The following NCOR2 variants were observed in gnomAD, a reference collection of about 807,000 sequenced individuals.
NCOR2 encodes the protein nuclear receptor corepressor 2, also known as CTG repeat protein 26.
Under a neutral mutation model 262.9 loss-of-function variants are expected in NCOR2, and 81 were observed. The ratio of observed to expected loss-of-function variants is 0.31; its 90% CI spans 0.26 to 0.37. NCOR2 has a LOEUF of 0.37. Among genes scored for constraint, NCOR2 ranks in the 10% least tolerant of loss-of-function variants. The pLI is 1.00. For missense variants in NCOR2, 3,385 were observed against 3,621.4 expected (o/e 0.93, Z 1.68); for synonymous variants, 1,659 against 1,559.3 (o/e 1.06, Z -1.51).
At chr12:124,445,622 A>T (rs1197201327) in intron 7 of NCOR2, among the ~76,000 whole-genome samples, 3 of 152,000 alleles carry the variant, frequency 2.0e-5, no homozygotes, top group Non-Finnish European at 4.4e-5. Flanking sequence ...AGCGCCAGGG[A>T]GGCTGCTCCA....
chr12:124,426,978 G>A (rs998874764), intron 10 of NCOR2, among the ~76,000 whole-genome samples, 178 bp from the exon 13 acceptor site: 2 of 152,222 alleles, frequency 1.3e-5, no homozygotes, highest in African/African-American at 2.4e-5. Flanking sequence ...CTGGGGGAAG[G>A]GAGAATGTAA....
At chr12:124,330,741 C>A (rs2035113041) in intron 44 of NCOR2, 104 bp downstream of exon 46, 1 of 1,298,890 alleles carries the variant, frequency 7.7e-7, no homozygotes, top group South Asian at 1.3e-5. Context: ...GGGGGTACAC[C>A]CAGACTAGCG....
At chr12:124,447,282 G>T (rs1320673369) in intron 7 of NCOR2, among the ~76,000 whole-genome samples, 2 of 152,208 alleles carry the variant, frequency 1.3e-5, no homozygotes, top group Non-Finnish European at 2.9e-5. Flanking sequence ...CAGTGAGGCG[G>T]TTACCTATTT....
chr12:124,387,348 G>A (rs748110749), intron 16 of NCOR2, among the ~76,000 whole-genome samples: 8 of 151,280 alleles, frequency 5.3e-5, no homozygotes, highest in Non-Finnish European at 1.0e-4. Context: ...ACGGCTAACT[G>A]ACACACAGAG....
intron 17 of NCOR2, among the ~76,000 whole-genome samples, chr12:124,382,879 T>C (rs1482484704): frequency 6.6e-6 from 1 of 152,226 alleles, no homozygotes; most frequent in Non-Finnish European, 1.5e-5. Context: ...CTGGGTCCCA[T>C]TCTTATCCCC....
intron 22 of NCOR2, among the ~76,000 whole-genome samples, chr12:124,358,110 CGTGCGTGTGA>C (rs1566391314): frequency 1.1e-5 from 1 of 87,958 alleles, no homozygotes; most frequent in Non-Finnish European, 2.3e-5. Flanking sequence ...CGCGCACGTG[CGTGCGTGTGA>C]GTGCATGGAT....
intron 1 of NCOR2, among the ~76,000 whole-genome samples, chr12:124,527,736 A>G (rs1475924927): frequency 6.6e-6 from 1 of 152,184 alleles, no homozygotes; most frequent in Non-Finnish European, 1.5e-5. Context: ...TAAATAAATT[A>G]TAACATGTGA....
chr12:124,442,785 G>C (rs544139579), intron 7 of NCOR2, among the ~76,000 whole-genome samples: 1 of 152,294 alleles, frequency 6.6e-6, no homozygotes, highest in African/African-American at 2.4e-5. Context: ...TTTGGAAACA[G>C]AGTCTTTAGA....
intron 1 of NCOR2, among the ~76,000 whole-genome samples, chr12:124,490,291 G>A (rs558003837): frequency 6.6e-6 from 1 of 152,188 alleles, no homozygotes; most frequent in Admixed American, 6.5e-5. Flanking sequence ...TTCCCAACTC[G>A]CCATTCCCCA....
chr12:124,398,000 A>T, intron 16 of NCOR2, 119 bp downstream of exon 18: 1 of 1,156,818 alleles, frequency 8.6e-7, no homozygotes, highest in Non-Finnish European at 1.3e-6. Context: ...GAACCTCACC[A>T]GAGGCCTCAC....
intron 13 of NCOR2, among the ~76,000 whole-genome samples, chr12:124,410,801 C>T (rs1266296586): frequency 6.6e-6 from 1 of 152,288 alleles, no homozygotes; most frequent in East Asian, 1.9e-4. Context: ...CTGCTCCTGC[C>T]CTGGAACAGC....
At chr12:124,551,481 G>C (rs1022228656) in intron 1 of NCOR2, among the ~76,000 whole-genome samples, 1 of 152,188 alleles carries the variant, frequency 6.6e-6, no homozygotes, top group Non-Finnish European at 1.5e-5. Context: ...GGGCTCCCGT[G>C]ACTTGAAAGT....
chr12:124,524,268 G>T (rs2050342372), intron 1 of NCOR2, among the ~76,000 whole-genome samples: 1 of 152,162 alleles, frequency 6.6e-6, no homozygotes, highest in Non-Finnish European at 1.5e-5. Flanking sequence ...TACCCAGCAT[G>T]CCAGTTAGCC....
chr12:124,561,296 C>T (rs1365303265), intron 1 of NCOR2, among the ~76,000 whole-genome samples: 1 of 152,180 alleles, frequency 6.6e-6, no homozygotes, highest in Non-Finnish European at 1.5e-5. Flanking sequence ...CCACCAGCCA[C>T]AAGTGGCTAC....
intron 37 of NCOR2, 60 bp downstream of exon 39, chr12:124,339,946 A>G: frequency 7.0e-7 from 1 of 1,433,260 alleles, no homozygotes. Context: ...TTATCTGCTC[A>G]TCCTCCTACT....
intron 1 of NCOR2, among the ~76,000 whole-genome samples, chr12:124,555,560 G>C (rs2051855971): frequency 6.6e-6 from 1 of 152,218 alleles, no homozygotes; most frequent in Non-Finnish European, 1.5e-5. Flanking sequence ...TTCTACAGAT[G>C]CGGAAACGAG....
At chr12:124,461,832 G>C (rs562560789) in intron 5 of NCOR2, among the ~76,000 whole-genome samples, 1 of 152,200 alleles carries the variant, frequency 6.6e-6, no homozygotes, top group African/African-American at 2.4e-5. Context: ...GAATGTTCAC[G>C]CATGTGCACA....
chr12:124,527,386 T>C (rs947544827), intron 1 of NCOR2, among the ~76,000 whole-genome samples: 1 of 152,144 alleles, frequency 6.6e-6, no homozygotes, highest in South Asian at 2.1e-4. Context: ...AATCCCTACT[T>C]TACAAGAGCT....
At chr12:124,333,336 C>T in intron 41 of NCOR2, 57 bp from the exon 44 acceptor site, 1 of 1,418,826 alleles carries the variant, frequency 7.0e-7, no homozygotes, top group Non-Finnish European at 9.3e-7. Context: ...AGGGGGCGCA[C>T]CCTCCCTCCA....
Sources: gnomAD v4.1 joint callset for allele counts (sites outside exome capture counted in the v4.1 genomes callset) on GRCh38, gnomAD v4.1.1 for gene constraint, MANE v1.5 for transcripts, NCBI Gene and HGNC (gene_info 2026-07-23, HGNC 2026-07-21) for gene names.